Variants in PTPRN2 observed in about 807,000 individuals in gnomAD.
The protein encoded by PTPRN2 is receptor-type tyrosine-protein phosphatase N2.
A neutral mutation model predicts 118.8 loss-of-function variants in PTPRN2; 74 were observed. The ratio of observed to expected loss-of-function variants is 0.62; its 90% CI spans 0.52 to 0.76. PTPRN2 has a LOEUF of 0.76. Ranked by LOEUF, PTPRN2 falls within the 30% of genes least tolerant of loss-of-function variation. The pLI is 0.00. For missense variants in PTPRN2, 1,481 were observed against 1,394.4 expected, an observed-to-expected ratio of 1.06 and a Z score of -0.99; for synonymous variants, 641 against 608.0, an observed-to-expected ratio of 1.05 and a Z score of -0.80.
intron 6 of PTPRN2, among the ~76,000 whole-genome samples, chr7:158,151,782 C>T (rs1323838761): frequency 2.0e-5 from 3 of 152,194 alleles, no homozygotes; most frequent in Non-Finnish European, 2.9e-5. Flanking sequence ...ATCTCCTTTG[C>T]ACCAGCTACC....
intron 3 of PTPRN2, among the ~76,000 whole-genome samples, chr7:158,284,648 G>T (rs192515580): frequency 2.0e-5 from 3 of 152,058 alleles, no homozygotes; most frequent in African/African-American, 7.2e-5. Context: ...ATAGTTTGGC[G>T]TACGGACTCC....
chr7:158,182,743 C>T (rs1301244508), intron 5 of PTPRN2, among the ~76,000 whole-genome samples: 1 of 152,140 alleles, frequency 6.6e-6, no homozygotes, highest in African/African-American at 2.4e-5. Context: ...TCCATGTGCT[C>T]ATGAGGAGAA....
At chr7:158,332,791 G>C (rs1372270803) in intron 2 of PTPRN2, among the ~76,000 whole-genome samples, 2 of 150,930 alleles carry the variant, frequency 1.3e-5, no homozygotes, top group Non-Finnish European at 2.9e-5. Flanking sequence ...CATAAGAGCT[G>C]ATGCCTGCAG....
chr7:158,074,313 G>C (rs1360238418), intron 11 of PTPRN2, among the ~76,000 whole-genome samples: 1 of 152,174 alleles, frequency 6.6e-6, no homozygotes, highest in African/African-American at 2.4e-5. Flanking sequence ...GAGAACAGCT[G>C]AGACCCCCTC....
intron 3 of PTPRN2, among the ~76,000 whole-genome samples, chr7:158,257,146 C>T (rs1011900052): frequency 2.0e-5 from 3 of 152,132 alleles, no homozygotes; most frequent in South Asian, 2.1e-4. Context: ...AAAGAGGTTT[C>T]GAGTATCCTC....
At chr7:157,765,759 TCCACCCAAACTCCCACTCATC>T in intron 12 of PTPRN2, among the ~76,000 whole-genome samples, 1 of 141,650 alleles carries the variant, frequency 7.1e-6, no homozygotes, top group East Asian at 2.4e-4. Context: ...CCTTCTTTCA[TCCACCCAAACTCCCACTCATC>T]CATCCATCCT....
intron 2 of PTPRN2, among the ~76,000 whole-genome samples, chr7:158,468,675 G>A (rs950789948): frequency 1.3e-5 from 2 of 152,124 alleles, no homozygotes; most frequent in African/African-American, 4.8e-5. Flanking sequence ...GTGGTGGCAG[G>A]GCAAGACAAG....
intron 5 of PTPRN2, among the ~76,000 whole-genome samples, chr7:158,177,524 C>T (rs1190350139): frequency 1.3e-5 from 2 of 152,208 alleles, no homozygotes; most frequent in Non-Finnish European, 2.9e-5. Context: ...TCCGGTGCCC[C>T]TGGAGACACT....
intron 8 of PTPRN2, among the ~76,000 whole-genome samples, chr7:158,134,273 C>T (rs1183005090): frequency 2.0e-5 from 3 of 152,122 alleles, no homozygotes; most frequent in Non-Finnish European, 2.9e-5. Flanking sequence ...GAATCACTTA[C>T]GTGCTGTTTT....
chr7:157,669,682 A>G (rs937807843), intron 13 of PTPRN2: 4 of 376,204 alleles, frequency 1.1e-5, no homozygotes, highest in Admixed American at 6.6e-5. Flanking sequence ...AATTAAAGAT[A>G]TAGACATGTT....
At chr7:158,095,666 C>T (rs1286362423) in intron 10 of PTPRN2, among the ~76,000 whole-genome samples, 1 of 152,196 alleles carries the variant, frequency 6.6e-6, no homozygotes, top group African/African-American at 2.4e-5. Flanking sequence ...GGGCCAGAAA[C>T]ACTCTAGTCA....
intron 2 of PTPRN2, among the ~76,000 whole-genome samples, chr7:158,362,177 C>T (rs1203589913): frequency 2.6e-5 from 4 of 152,238 alleles, no homozygotes; most frequent in East Asian, 1.9e-4. Flanking sequence ...GGACCTCCAT[C>T]GCCCCAGCTC....
chr7:158,251,604 G>A (rs868629613), intron 3 of PTPRN2, among the ~76,000 whole-genome samples: 4 of 151,386 alleles, frequency 2.6e-5, no homozygotes, highest in Admixed American at 6.6e-5. Flanking sequence ...TGGTGCATGT[G>A]GGGCGTGTGC....
intron 10 of PTPRN2, among the ~76,000 whole-genome samples, chr7:158,096,542 C>T (rs1382669391): frequency 6.6e-6 from 1 of 152,246 alleles, no homozygotes; most frequent in African/African-American, 2.4e-5. Context: ...CCCTTGTTGT[C>T]TCATCTTAAA....
At chr7:157,743,828 G>A (rs1018134089) in intron 12 of PTPRN2, among the ~76,000 whole-genome samples, 2 of 152,208 alleles carry the variant, frequency 1.3e-5, no homozygotes, top group East Asian at 1.9e-4. Context: ...TGGCAAGGCC[G>A]TGGCTGGGAT....
At chr7:158,238,226 T>G (rs186568536) in intron 3 of PTPRN2, among the ~76,000 whole-genome samples, 1 of 152,196 alleles carries the variant, frequency 6.6e-6, no homozygotes, top group East Asian at 1.9e-4. Flanking sequence ...AGCTCAGCTC[T>G]GGGGGGCATC....
At chr7:157,561,831 G>C (rs781179400) in intron 21 of PTPRN2, among the ~76,000 whole-genome samples, 4 of 152,382 alleles carry the variant, frequency 2.6e-5, no homozygotes, top group Admixed American at 6.5e-5. Context: ...AGATGCAGCA[G>C]GAGGATGGGG....
At chr7:157,556,261 ACAT>A (rs1271239443) in intron 21 of PTPRN2, among the ~76,000 whole-genome samples, 1 of 150,910 alleles carries the variant, frequency 6.6e-6, no homozygotes, top group African/African-American at 2.4e-5. Flanking sequence ...ACCCACACTC[ACAT>A]CATACATATG....
chr7:157,833,072 C>T (rs920138694), intron 12 of PTPRN2, among the ~76,000 whole-genome samples: 10 of 147,216 alleles, frequency 6.8e-5, no homozygotes, highest in African/African-American at 2.5e-4. Flanking sequence ...GTGATGTGGC[C>T]GGTGCCCATC....
Sources: gnomAD v4.1 joint callset for allele counts (sites outside exome capture counted in the v4.1 genomes callset) on GRCh38, gnomAD v4.1.1 for gene constraint, MANE v1.5 for transcripts, NCBI Gene and HGNC (gene_info 2026-07-23, HGNC 2026-07-21) for gene names.